IGFL2: variants seen among roughly 807,000 people sequenced by gnomAD.
The protein encoded by IGFL2 is insulin growth factor-like family member 2.
IGFL2 carries 7 observed loss-of-function variants against 13.9 expected under a neutral mutation model. The observed-to-expected ratio is 0.51, with a 90% CI of 0.29 to 0.95. IGFL2 has a LOEUF of 0.95. IGFL2 is among the 40% of genes least tolerant of loss of function. The pLI is 0.08. For synonymous variants in IGFL2, 55 were observed against 55.8 expected, an observed-to-expected ratio of 0.99 and a Z score of 0.07; for missense variants, 138 against 147.8, an observed-to-expected ratio of 0.93 and a Z score of 0.34.
the IGFL2 span, among the ~76,000 whole-genome samples, chr19:46,108,029 C>G: frequency 1.3e-5 from 2 of 152,026 alleles, no homozygotes; most frequent in Admixed American, 1.3e-4. Context: ...AGTTGCGGTA[C>G]AAAACTGTAA....
chr19:46,156,634 A>G (rs1973839071), intron 1 of IGFL2, among the ~76,000 whole-genome samples: 1 of 152,232 alleles, frequency 6.6e-6, no homozygotes, highest in South Asian at 2.1e-4. Context: ...TATGGAACAT[A>G]TATAAAGCAG....
the IGFL2 span, chr19:46,209,017 C>T: frequency 2.0e-5 from 3 of 152,168 alleles, no homozygotes; most frequent in African/African-American, 4.8e-5. Flanking sequence ...TCCAGGAAGC[C>T]ATTCCTGGTG....
chr19:46,178,538 A>G, the IGFL2 span, among the ~76,000 whole-genome samples: 3 of 152,210 alleles, frequency 2.0e-5, no homozygotes, highest in Non-Finnish European at 2.9e-5. Flanking sequence ...GAGAGATTAA[A>G]TGAGAGTCTG....
the IGFL2 span, among the ~76,000 whole-genome samples, chr19:46,088,150 C>T: frequency 6.6e-6 from 1 of 152,192 alleles, no homozygotes; most frequent in South Asian, 2.1e-4. Flanking sequence ...CTTTTGGTGC[C>T]TCCCATTACT....
At chr19:46,205,900 C>T in the IGFL2 span, among the ~76,000 whole-genome samples, 2 of 152,116 alleles carry the variant, frequency 1.3e-5, no homozygotes, top group Non-Finnish European at 2.9e-5. Flanking sequence ...GTGGTTTGAA[C>T]GTCCTTCTGC....
At chr19:46,124,543 A>G in the IGFL2 span, 1 of 1,333,594 alleles carries the variant, frequency 7.5e-7, no homozygotes, top group Non-Finnish European at 1.1e-6. Context: ...TGTTAGAGAT[A>G]AAGAGGAATA....
chr19:46,120,897 A>C, the IGFL2 span, among the ~76,000 whole-genome samples: 1 of 151,040 alleles, frequency 6.6e-6, no homozygotes, highest in Non-Finnish European at 1.5e-5. Context: ...CATTGAATTC[A>C]TCAGTCATGC....
the IGFL2 span, among the ~76,000 whole-genome samples, chr19:46,191,746 A>G: frequency 6.6e-6 from 1 of 152,138 alleles, no homozygotes; most frequent in African/African-American, 2.4e-5. Flanking sequence ...CCGGCTTCTC[A>G]TGTTTGTTAC....
the IGFL2 span, among the ~76,000 whole-genome samples, chr19:46,126,963 T>C: frequency 6.6e-6 from 1 of 151,874 alleles, no homozygotes; most frequent in Non-Finnish European, 1.5e-5. Flanking sequence ...TGGAGGAGAG[T>C]CATTCCAATT....
chr19:46,140,515 A>G (rs1972814881), upstream of IGFL2, among the ~76,000 whole-genome samples: 2 of 152,190 alleles, frequency 1.3e-5, no homozygotes, highest in South Asian at 2.1e-4. Flanking sequence ...TCATCTCTGA[A>G]GAAAATGTTC....
At chr19:46,112,148 T>C in the IGFL2 span, 9 of 152,222 alleles carry the variant, frequency 5.9e-5, no homozygotes, top group Non-Finnish European at 1.2e-4. Context: ...CCAGCTAACT[T>C]TCAAAAGGCA....
At chr19:46,152,038 T>A (rs1040515412) in intron 1 of IGFL2, among the ~76,000 whole-genome samples, 2 of 152,214 alleles carry the variant, frequency 1.3e-5, no homozygotes, top group African/African-American at 4.8e-5. Context: ...ATATTCTTAA[T>A]TCTTTTCAAC....
At chr19:46,107,891 G>A in the IGFL2 span, among the ~76,000 whole-genome samples, 3 of 152,146 alleles carry the variant, frequency 2.0e-5, no homozygotes, top group Admixed American at 6.5e-5. Context: ...TATATTTGGT[G>A]AAAAAGAGCC....
the IGFL2 span, among the ~76,000 whole-genome samples, chr19:46,106,593 A>G: frequency 6.6e-6 from 1 of 152,132 alleles, no homozygotes; most frequent in Non-Finnish European, 1.5e-5. Flanking sequence ...AGGAGAGTAT[A>G]TGGGTTTGGC....
intron 1 of IGFL2, among the ~76,000 whole-genome samples, chr19:46,155,442 C>G (rs1361113891): frequency 6.6e-6 from 1 of 152,120 alleles, no homozygotes; most frequent in Non-Finnish European, 1.5e-5. Flanking sequence ...TCTCGCTGCT[C>G]TATACAGATT....
In IGFL2 at chr19:46,154,032, CT is replaced by C. The variant is rs550554314; in HGVS notation, c.19+5736del. Among the ~76,000 whole-genome samples the C allele has an allele frequency of 2.0e-3, 308 of 152,062 alleles. 1 individual carries two copies. Among genetic ancestry groups the C allele is most frequent in the African/African-American group, 7.1e-3 (294 of 41,466 alleles). On this transcript the variant is annotated intron_variant, in intron 1 of 3. Transcript: ENST00000377693. ...GCCCCTGGGTGTGATGTTCCCCTCC[CT>C]GTGTCCATGTGTTCTCACAGTTCAA...
At chr19:46,080,455 T>G in the IGFL2 span, among the ~76,000 whole-genome samples, 1 of 152,250 alleles carries the variant, frequency 6.6e-6, no homozygotes, top group Non-Finnish European at 1.5e-5. Context: ...ACTTAGTAAT[T>G]AAATTCTGTG....
At chr19:46,129,288 T>G in the IGFL2 span, among the ~76,000 whole-genome samples, 1 of 150,748 alleles carries the variant, frequency 6.6e-6, no homozygotes. Flanking sequence ...AAAAACCAAC[T>G]CTTGGATTTG....
upstream of IGFL2, among the ~76,000 whole-genome samples, chr19:46,138,522 T>C (rs1972708393): frequency 6.6e-6 from 1 of 152,074 alleles, no homozygotes; most frequent in African/African-American, 2.4e-5. Flanking sequence ...GGGGGAGCAT[T>C]GATGTCTGTG....
Sources: gnomAD v4.1 joint callset for allele counts (sites outside exome capture counted in the v4.1 genomes callset) on GRCh38, gnomAD v4.1.1 for gene constraint, MANE v1.5 for transcripts, NCBI Gene and HGNC (gene_info 2026-07-23, HGNC 2026-07-21) for gene names.